The following APOOL variants were observed in gnomAD, a reference collection of about 807,000 sequenced individuals.
The protein encoded by APOOL is MICOS complex subunit MIC27.
A neutral mutation model predicts 23.1 loss-of-function variants in APOOL; 12 were observed. The ratio of observed to expected loss-of-function variants is 0.52; its 90% CI spans 0.33 to 0.84. The LOEUF (loss-of-function observed/expected upper bound fraction) is 0.84, where lower values mean the gene tolerates loss of function less well. Ranked by LOEUF, APOOL falls within the 40% of genes least tolerant of loss-of-function variation. The pLI, the probability that APOOL is intolerant of heterozygous loss-of-function variation, is 0.02. For synonymous variants in APOOL, 77 were observed against 69.9 expected (o/e 1.10, Z -0.51); for missense variants, 212 against 199.6 (o/e 1.06, Z -0.37).
intron 1 of APOOL, among the ~76,000 whole-genome samples, chrX:85,032,350 A>G (rs1602750875): frequency 4.5e-5 from 5 of 111,085 alleles, no homozygotes. Flanking sequence ...CCCGGTCTCT[A>G]CTAAAAATAC....
chrX:85,082,118 A>T (rs568009319), intron 8 of APOOL, among the ~76,000 whole-genome samples: 50 of 112,196 alleles, frequency 4.5e-4, no homozygotes, highest in African/African-American at 1.6e-3. Context: ...TTCTCCATCC[A>T]GCTTTGTTCC....
intron 1 of APOOL, among the ~76,000 whole-genome samples, chrX:85,030,226 G>A (rs1168914450): frequency 9.0e-6 from 1 of 111,706 alleles, no homozygotes; most frequent in Non-Finnish European, 1.9e-5. Flanking sequence ...GGAGCTGGCA[G>A]TCATTATTCT....
At chrX:85,075,502 A>G (rs946757643) in intron 8 of APOOL, among the ~76,000 whole-genome samples, 1 of 111,269 alleles carries the variant, frequency 9.0e-6, no homozygotes, top group Admixed American at 9.7e-5. Flanking sequence ...AAAAACTGTC[A>G]TTGAATAACA....
chrX:85,061,829 C>T (rs1163645977), intron 5 of APOOL, among the ~76,000 whole-genome samples: 1 of 111,480 alleles, frequency 9.0e-6, no homozygotes, highest in Non-Finnish European at 1.9e-5. Flanking sequence ...TTTCAAAAAA[C>T]CAGCTCCCGG....
intron 8 of APOOL, among the ~76,000 whole-genome samples, chrX:85,084,885 C>T (rs1342637410): frequency 4.5e-5 from 5 of 110,997 alleles, no homozygotes; most frequent in East Asian, 2.8e-4. Flanking sequence ...CTGAGATTTA[C>T]GTAAAATAAT....
At chrX:85,044,315 CT>C (rs1922500864) in intron 1 of APOOL, among the ~76,000 whole-genome samples, 1 of 109,167 alleles carries the variant, frequency 9.2e-6, no homozygotes. Flanking sequence ...GAGTTTTGCT[CT>C]TGTTGCCCAG....
intron 1 of APOOL, among the ~76,000 whole-genome samples, chrX:85,011,286 G>T (rs1483450431): frequency 9.0e-6 from 1 of 111,623 alleles, no homozygotes; most frequent in Non-Finnish European, 1.9e-5. Flanking sequence ...CCACTCTGTT[G>T]GTTGTCTGTT....
chrX:85,076,303 G>A (rs1032706580), intron 8 of APOOL, among the ~76,000 whole-genome samples: 5 of 109,983 alleles, frequency 4.5e-5, no homozygotes, highest in Admixed American at 9.8e-5. Context: ...CCATTTCCAC[G>A]TTTCATATGT....
chrX:85,075,162 G>C (rs1048339916), intron 8 of APOOL, among the ~76,000 whole-genome samples: 2 of 110,762 alleles, frequency 1.8e-5, no homozygotes, highest in Admixed American at 2.0e-4. Context: ...TCAGCGGTTG[G>C]GGAATAATAA....
intron 1 of APOOL, among the ~76,000 whole-genome samples, chrX:85,019,970 C>T (rs765768999): frequency 9.0e-6 from 1 of 111,393 alleles, no homozygotes; most frequent in East Asian, 2.9e-4. Flanking sequence ...CAGCATAACC[C>T]CAGTGATGGT....
chrX:85,064,081 A>G lies in APOOL; in HGVS notation c.395-3046A>G, dbSNP rs188983673. ...TTTTTCTGGCCTATTCAGGGATTCA[A>G]CTTCTTCCTGGTTCAGTCTTGGGAG... On this transcript the variant is annotated intron_variant, in intron 5 of 8. Coordinates refer to ENST00000373173, the MANE Select transcript of APOOL (RefSeq NM_198450.6). Among the ~76,000 whole-genome samples, 684 of 110,634 alleles carry G rather than the reference A, an allele frequency of 6.2e-3. 5 individuals carry two copies. The highest frequency in any genetic ancestry group is 0.022 in the African/African-American group (658 of 30,497).
At chrX:85,017,119 C>T (rs1008574304) in intron 1 of APOOL, among the ~76,000 whole-genome samples, 1 of 111,911 alleles carries the variant, frequency 8.9e-6, no homozygotes, top group African/African-American at 3.3e-5. Context: ...AATACCACCA[C>T]GTGGGGGCAG....
At chrX:85,036,783 T>G (rs1176555672) in intron 1 of APOOL, among the ~76,000 whole-genome samples, 1 of 111,123 alleles carries the variant, frequency 9.0e-6, no homozygotes, top group Non-Finnish European at 1.9e-5. Flanking sequence ...TTTCTGAGAT[T>G]TGGTGTACAC....
chrX:85,067,627 A>AACACACACACACACACAC (rs758966009), intron 6 of APOOL, among the ~76,000 whole-genome samples: 2 of 90,406 alleles, frequency 2.2e-5, no homozygotes, highest in African/African-American at 8.3e-5. Context: ...CTGAAGGTAA[A>AACACACACACACACACAC]ACACACACAC....
At chrX:85,073,348 C>G in intron 6 of APOOL, among the ~76,000 whole-genome samples, 1 of 110,865 alleles carries the variant, frequency 9.0e-6, no homozygotes, top group Non-Finnish European at 1.9e-5. Flanking sequence ...AAGAAGAAAT[C>G]AGAAGTAGAT....
chrX:85,041,183 G>A (rs1025815975), intron 1 of APOOL, among the ~76,000 whole-genome samples: 43 of 111,798 alleles, frequency 3.8e-4, no homozygotes, highest in African/African-American at 1.3e-3. Flanking sequence ...CTGTACTGGG[G>A]ACCCTGGTAG....
intron 8 of APOOL, among the ~76,000 whole-genome samples, chrX:85,082,659 C>A (rs1924151621): frequency 8.9e-6 from 1 of 111,746 alleles, no homozygotes; most frequent in South Asian, 3.7e-4. Flanking sequence ...TTAGAACATA[C>A]CCACACACAT....
chrX:85,049,581 G>A (rs1922690988), intron 2 of APOOL, among the ~76,000 whole-genome samples: 1 of 110,837 alleles, frequency 9.0e-6, no homozygotes, highest in Non-Finnish European at 1.9e-5. Flanking sequence ...CTCAAGAATT[G>A]GAGACCAGTC....
chrX:85,021,140 C>T (rs191791109), intron 1 of APOOL, among the ~76,000 whole-genome samples: 275 of 111,925 alleles, frequency 2.5e-3, no homozygotes, highest in African/African-American at 8.6e-3. Flanking sequence ...CCTGTGGCCC[C>T]ATGCCCCAGC....
Sources: allele counts gnomAD v4.1 joint callset (sites outside exome capture counted in the v4.1 genomes callset), GRCh38; gene constraint gnomAD v4.1.1; transcripts MANE v1.5; gene names NCBI Gene and HGNC (gene_info 2026-07-23, HGNC 2026-07-21).